Variants in IQCK observed in about 807,000 individuals in gnomAD.
IQCK encodes IQ motif containing K.
Under a neutral mutation model 28.1 loss-of-function variants are expected in IQCK, and 29 were observed. The observed-to-expected ratio is 1.03, with a 90% confidence interval of 0.77 to 1.41. IQCK has a LOEUF of 1.41. IQCK is among the 40% of genes most tolerant of loss of function. The pLI is 0.00. For missense variants in IQCK, 359 were observed against 314.7 expected (o/e 1.14, Z -1.07); for synonymous variants, 113 against 115.1 (o/e 0.98, Z 0.12).
chr16:19,719,526 G>A (rs1811198762), intron 1 of IQCK, among the ~76,000 whole-genome samples: 2 of 151,178 alleles, frequency 1.3e-5, no homozygotes, highest in South Asian at 2.1e-4. Flanking sequence ...GGGAGGTGGC[G>A]TTGCAGTGAG....
downstream of IQCK, among the ~76,000 whole-genome samples, chr16:19,828,754 G>A (rs2056185979): frequency 6.7e-6 from 1 of 148,990 alleles, no homozygotes; most frequent in Non-Finnish European, 1.5e-5. Flanking sequence ...GCGGGCACCT[G>A]TAATCCCAGC....
intron 3 of IQCK, chr16:19,734,076 G>T: frequency 2.6e-6 from 1 of 388,210 alleles, no homozygotes; most frequent in Non-Finnish European, 4.6e-6. Flanking sequence ...TAGGAAAAGA[G>T]AACAGTAAAC....
intron 4 of IQCK, among the ~76,000 whole-genome samples, chr16:19,751,825 T>C (rs2054990526): frequency 6.6e-6 from 1 of 152,124 alleles, no homozygotes. Context: ...GTAGAGTTTG[T>C]ACAAAGACTT....
intron 4 of IQCK, among the ~76,000 whole-genome samples, chr16:19,757,221 T>C (rs538780470): frequency 1.3e-5 from 2 of 152,218 alleles, no homozygotes; most frequent in African/African-American, 2.4e-5. Flanking sequence ...CTTTTGACTT[T>C]TCTAGGTGGA....
At chr16:19,759,656 G>A (rs1051989860) in intron 4 of IQCK, among the ~76,000 whole-genome samples, 1 of 152,190 alleles carries the variant, frequency 6.6e-6, no homozygotes, top group African/African-American at 2.4e-5. Flanking sequence ...CAAGCACACG[G>A]AAAACTGGAG....
At chr16:19,803,818 A>T (rs1325507485) in intron 7 of IQCK, among the ~76,000 whole-genome samples, 1 of 151,992 alleles carries the variant, frequency 6.6e-6, no homozygotes, top group Non-Finnish European at 1.5e-5. Context: ...ACAAACAGCT[A>T]ATTTTTTTTG....
At chr16:19,740,876 G>A (rs939613477) in intron 4 of IQCK, among the ~76,000 whole-genome samples, 2 of 151,652 alleles carry the variant, frequency 1.3e-5, no homozygotes, top group Non-Finnish European at 2.9e-5. Context: ...GCTGAGGCAG[G>A]AGAATGGCTT....
intron 9 of IQCK, among the ~76,000 whole-genome samples, chr16:19,837,514 T>C (rs1463181634): frequency 6.6e-6 from 1 of 152,190 alleles, no homozygotes; most frequent in African/African-American, 2.4e-5. Context: ...GGCTGTTTTC[T>C]CCTCTGTTGT....
At chr16:19,828,063 C>T (rs905687019), downstream of IQCK, among the ~76,000 whole-genome samples, 3 of 151,752 alleles carry the variant, frequency 2.0e-5, no homozygotes, top group African/African-American at 7.3e-5. Flanking sequence ...CAGGCTTGCT[C>T]CACCACGCCT....
At chr16:19,853,234 C>T (rs2141126873) in intron 9 of IQCK, among the ~76,000 whole-genome samples, 1 of 152,162 alleles carries the variant, frequency 6.6e-6, no homozygotes, top group Middle Eastern at 3.4e-3. Flanking sequence ...GTAGGGTGTT[C>T]AGAAATCCCC....
intron 4 of IQCK, among the ~76,000 whole-genome samples, chr16:19,740,208 G>GT (rs2054813534): frequency 6.6e-6 from 1 of 152,132 alleles, no homozygotes; most frequent in African/African-American, 2.4e-5. Flanking sequence ...ATTCTTATCT[G>GT]TTTTTTCATT....
At chr16:19,718,306 C>A in exon 1 of IQCK, 1 of 1,603,784 alleles carries the variant, frequency 6.2e-7, no homozygotes, top group East Asian at 2.3e-5. Flanking sequence ...AAACCGCGGC[C>A]ATGGCGGCAC....
intron 6 of IQCK, among the ~76,000 whole-genome samples, chr16:19,783,062 G>C (rs948927343): frequency 6.6e-6 from 1 of 151,486 alleles, no homozygotes; most frequent in Admixed American, 6.6e-5. Flanking sequence ...ACAGTGGTGC[G>C]ATCTTGGCTC....
chr16:19,755,153 A>G (rs1279642804), intron 4 of IQCK, among the ~76,000 whole-genome samples: 2 of 152,190 alleles, frequency 1.3e-5, no homozygotes, highest in African/African-American at 2.4e-5. Context: ...ATTATCGGGT[A>G]TCTGGAAATG....
intron 7 of IQCK, among the ~76,000 whole-genome samples, chr16:19,817,170 G>T (rs575443760): frequency 6.6e-6 from 1 of 152,126 alleles, no homozygotes; most frequent in Non-Finnish European, 1.5e-5. Context: ...TCTTGAAGGA[G>T]CAAATAGAGA....
At chr16:19,838,932 T>C (rs8055363) in intron 9 of IQCK, among the ~76,000 whole-genome samples, 2,889 of 145,626 alleles carry the variant, frequency 0.02, 101 homozygotes, top group African/African-American at 0.071. Context: ...GACTGCAGAA[T>C]TGCTCGAACC....
chr16:19,816,286 C>G (rs1343352039), intron 7 of IQCK, among the ~76,000 whole-genome samples: 1 of 152,106 alleles, frequency 6.6e-6, no homozygotes, highest in Non-Finnish European at 1.5e-5. Flanking sequence ...CTCACAGCAA[C>G]ACTTCTTTTT....
intron 1 of IQCK, among the ~76,000 whole-genome samples, chr16:19,729,622 T>G (rs900835193): frequency 5.3e-5 from 8 of 151,644 alleles, no homozygotes; most frequent in Non-Finnish European, 1.2e-4. Flanking sequence ...ACTTTATTAT[T>G]TTATTTTATT....
intron 7 of IQCK, chr16:19,819,523 C>T (rs979224130): frequency 6.5e-6 from 1 of 153,492 alleles, no homozygotes; most frequent in African/African-American, 2.4e-5. Flanking sequence ...AAGGGCAAAT[C>T]TCTTTGGATC....
Sources: gnomAD v4.1 joint callset for allele counts (sites outside exome capture counted in the v4.1 genomes callset) on GRCh38, gnomAD v4.1.1 for gene constraint, MANE v1.5 for transcripts, NCBI Gene and HGNC (gene_info 2026-07-23, HGNC 2026-07-21) for gene names.